The following BBX variants were observed in gnomAD, a reference collection of about 807,000 sequenced individuals.
BBX encodes the protein BBX high mobility group box domain containing.
BBX carries 30 observed loss-of-function variants against 100.2 expected under a neutral mutation model. That is an observed-to-expected ratio of 0.30 (90% CI 0.22 to 0.41). The LOEUF (loss-of-function observed/expected upper bound fraction) is 0.41. Ranked by LOEUF, BBX falls within the 10% of genes least tolerant of loss-of-function variation. BBX has a pLI of 1.00. For missense variants in BBX, 1,023 were observed against 1,129.8 expected (o/e 0.91, Z 1.35); for synonymous variants, 376 against 388.1 (o/e 0.97, Z 0.37).
intron 3 of BBX, among the ~76,000 whole-genome samples, chr3:107,653,334 C>T (rs1057414557): frequency 6.6e-6 from 1 of 152,136 alleles, no homozygotes; most frequent in Non-Finnish European, 1.5e-5. Flanking sequence ...ACTTCATCAG[C>T]GACCCTGTGA....
intron 2 of BBX, among the ~76,000 whole-genome samples, chr3:107,581,251 T>C (rs2052256515): frequency 6.6e-6 from 1 of 152,096 alleles, no homozygotes; most frequent in Non-Finnish European, 1.5e-5. Context: ...TACACTTATA[T>C]ATATATTATT....
intron 3 of BBX, among the ~76,000 whole-genome samples, chr3:107,660,624 A>G (rs2058399829): frequency 6.6e-6 from 1 of 152,034 alleles, no homozygotes; most frequent in African/African-American, 2.4e-5. Flanking sequence ...ATTGCTGAAC[A>G]TGATGGAAAA....
chr3:107,795,501 A>G (rs1457142209), intron 15 of BBX, among the ~76,000 whole-genome samples: 2 of 151,918 alleles, frequency 1.3e-5, no homozygotes, highest in South Asian at 2.1e-4. Context: ...GCAAATGTGC[A>G]TCATCTGCAG....
chr3:107,739,686 A>C (rs1026476687), intron 7 of BBX, among the ~76,000 whole-genome samples: 4 of 152,218 alleles, frequency 2.6e-5, no homozygotes, highest in African/African-American at 9.6e-5. Flanking sequence ...GGTGGAGAGC[A>C]GGAAGATAAA....
chr3:107,805,498 C>A lies in BBX; in HGVS notation c.*41C>A, dbSNP rs1271987136. On this transcript the variant is annotated 3_prime_UTR_variant, in exon 18 of 18. Transcript: ENST00000325805. ...TAAAACATTGTGCTTTACCTACTACCCTAGCCTTGTCTTTACCGAGGGATG... is the reference window on the plus strand; with the variant it reads ...TAAAACATTGTGCTTTACCTACTACACTAGCCTTGTCTTTACCGAGGGATG... 1 of 1,613,850 alleles carries A rather than the reference C, an allele frequency of 6.2e-7. No homozygotes were observed. The highest frequency in any genetic ancestry group is 1.3e-5 in the African/African-American group (1 of 74,920).
intron 8 of BBX, among the ~76,000 whole-genome samples, chr3:107,745,594 A>G (rs891392497): frequency 1.3e-5 from 2 of 151,874 alleles, no homozygotes; most frequent in African/African-American, 2.4e-5. Context: ...CCTGATAGCT[A>G]GGACTGCAGG....
At chr3:107,702,077 A>C (rs1009237162) in intron 3 of BBX, among the ~76,000 whole-genome samples, 1 of 152,258 alleles carries the variant, frequency 6.6e-6, no homozygotes, top group African/African-American at 2.4e-5. Flanking sequence ...CTTAGGACCA[A>C]CCTGAGATTG....
chr3:107,592,221 G>T (rs2107594465), intron 2 of BBX, among the ~76,000 whole-genome samples: 1 of 151,980 alleles, frequency 6.6e-6, no homozygotes, highest in East Asian at 1.9e-4. Context: ...GTATTAAACA[G>T]CTGGGTTTAG....
At position 107,810,213 on chromosome 3, in the gene BBX, A is replaced by ATT. The variant is rs1559843005; in HGVS notation, c.*4756_*4757insTT. On this transcript the variant is annotated 3_prime_UTR_variant, in exon 18 of 18. Coordinates refer to ENST00000325805, the MANE Select transcript of BBX (RefSeq NM_001142568.3). ...ATATAAATGTGCATCTTTTTTTTAA[A>ATT]AAAAAAAAAAAAAAAGGTTCCTCTT... 8.7e-5 allele frequency: 13 copies of ATT among 149,472 alleles called. No homozygotes were observed. The highest frequency in any genetic ancestry group is 2.1e-4 in the South Asian group (1 of 4,698). 9.3% of individuals were successfully genotyped at this position (149,472 alleles called of 1,614,324 possible). A position where few individuals can be genotyped will look rare whatever the true frequency, so the allele number is the denominator to read the frequency against.
intron 3 of BBX, among the ~76,000 whole-genome samples, chr3:107,673,840 A>G (rs1012599529): frequency 1.2e-4 from 19 of 152,216 alleles, no homozygotes; most frequent in Admixed American, 9.2e-4. Flanking sequence ...CTTCATGTAT[A>G]AACACATACC....
At chr3:107,748,330 G>GA (rs1281803737) in intron 9 of BBX, among the ~76,000 whole-genome samples, 1 of 152,046 alleles carries the variant, frequency 6.6e-6, no homozygotes, top group Non-Finnish European at 1.5e-5. Flanking sequence ...TAAAAGCTTG[G>GA]AAAAACTGCT....
At chr3:107,562,334 A>G (rs185732962) in intron 2 of BBX, among the ~76,000 whole-genome samples, 84 of 152,328 alleles carry the variant, frequency 5.5e-4, no homozygotes, top group African/African-American at 1.9e-3. Context: ...CATGCCTTGA[A>G]CATGTGTTTT....
At chr3:107,676,048 T>TGCCCTCC (rs1198952774) in intron 3 of BBX, among the ~76,000 whole-genome samples, 1 of 152,140 alleles carries the variant, frequency 6.6e-6, no homozygotes, top group African/African-American at 2.4e-5. Flanking sequence ...ACAGTAGGAA[T>TGCCCTCC]GCCCTCCAAA....
intron 15 of BBX, among the ~76,000 whole-genome samples, chr3:107,795,613 CTTTTTTTTT>C (rs1158136233): frequency 3.3e-5 from 2 of 60,034 alleles, no homozygotes; most frequent in Middle Eastern, 0.017. Context: ...CCGACGTAGT[CTTTTTTTTT>C]TTTTTTTTTT....
chr3:107,581,661 A>G (rs947324198), intron 2 of BBX, among the ~76,000 whole-genome samples: 2 of 152,136 alleles, frequency 1.3e-5, no homozygotes, highest in African/African-American at 4.8e-5. Flanking sequence ...ACACTGCTTC[A>G]TACTCCGTCG....
chr3:107,794,681 A>G (rs1270051917), intron 15 of BBX, among the ~76,000 whole-genome samples: 1 of 152,196 alleles, frequency 6.6e-6, no homozygotes, highest in Admixed American at 6.5e-5. Flanking sequence ...TGTTCTATTC[A>G]GCATCTGACT....
intron 3 of BBX, among the ~76,000 whole-genome samples, chr3:107,679,536 T>C (rs1015071849): frequency 3.9e-5 from 6 of 152,232 alleles, no homozygotes; most frequent in South Asian, 2.1e-4. Context: ...GCACTGGGCA[T>C]ACAAAGATAA....
At chr3:107,647,555 C>T (rs1435748065) in intron 3 of BBX, among the ~76,000 whole-genome samples, 1 of 152,132 alleles carries the variant, frequency 6.6e-6, no homozygotes, top group Non-Finnish European at 1.5e-5. Context: ...TTCTAGCTGA[C>T]CTATATGCTT....
At chr3:107,545,431 C>A (rs1210745251) in intron 2 of BBX, among the ~76,000 whole-genome samples, 2 of 152,134 alleles carry the variant, frequency 1.3e-5, no homozygotes, top group Non-Finnish European at 2.9e-5. Context: ...TTTTATAAAT[C>A]TTAAGTGGTA....
Sources: gnomAD v4.1 joint callset for allele counts (sites outside exome capture counted in the v4.1 genomes callset) on GRCh38, gnomAD v4.1.1 for gene constraint, MANE v1.5 for transcripts, NCBI Gene and HGNC (gene_info 2026-07-23, HGNC 2026-07-21) for gene names.